IRF4: variants seen among roughly 807,000 people sequenced by gnomAD.
The protein encoded by IRF4 is lymphocyte-specific interferon regulatory factor.
In IRF4, 13 loss-of-function variants were observed where a neutral mutation model predicts 55.5. The ratio of observed to expected loss-of-function variants is 0.23; its 90% CI spans 0.15 to 0.37. The LOEUF (loss-of-function observed/expected upper bound fraction) is 0.37. Among genes scored for constraint, IRF4 ranks in the 10% least tolerant of loss-of-function variants. The pLI is 1.00. For synonymous variants in IRF4, 249 were observed against 240.7 expected (o/e 1.03, Z -0.32); for missense variants, 397 against 593.8 (o/e 0.67, Z 3.44).
At position 393,189 on chromosome 6, in the gene IRF4, G is replaced by T; in HGVS notation, c.37G>T (p.Gly13Cys). ...GGGCGGCGGCCGAGGCGGAGAGTTC[G>T]GCATGAGCGCGGTGAGCTGCGGCAA... ...LEGGGRGGEFGMSAVSCGNGK... is the reference protein window; with the variant it reads ...LEGGGRGGEFCMSAVSCGNGK... The change falls in exon 2 of 9, where the codon GGC becomes TGC. Residue 13 changes from glycine to cysteine, a missense_variant. Around this residue, in one of 3 missense-constraint regions of IRF4, gnomAD observed 34 missense variants for 29.4 expected, o/e 1.16. Transcript: ENST00000380956. This position sits in a 1 kb window ranked among gnomAD's most constrained non-coding sequence, Gnocchi z 5.4. 1 of 1,554,958 alleles carries T rather than the reference G, an allele frequency of 6.4e-7. No individual in the cohort carries two copies. Among genetic ancestry groups the T allele is most frequent in the East Asian group, 2.4e-5 (1 of 41,434 alleles).
intron 7 of IRF4, among the ~76,000 whole-genome samples, chr6:403,804 C>G (rs1761472191): frequency 6.6e-6 from 1 of 152,216 alleles, no homozygotes; most frequent in South Asian, 2.1e-4. Flanking sequence ...CCACCAAACA[C>G]TCTCATGTTA....
intron 7 of IRF4, among the ~76,000 whole-genome samples, chr6:402,988 C>T (rs534655767): frequency 2.0e-4 from 31 of 152,352 alleles, no homozygotes; most frequent in African/African-American, 6.3e-4. Flanking sequence ...GAGCTGAGAT[C>T]GCACCACGGT....
At chr6:406,093 A>G (rs186385591) in intron 8 of IRF4, among the ~76,000 whole-genome samples, 8 of 152,352 alleles carry the variant, frequency 5.3e-5, no homozygotes, top group Admixed American at 2.6e-4. Context: ...CCAACCAACC[A>G]GTATATAATC....
Position 410,585 on chromosome 6 carries a change from C to T in IRF4, c.*2987C>T, listed in dbSNP as rs1051882267. ...TCTTTGAGCGAGGGCATAAATACAG[C>T]TAGCCCCAGGGGTGGAACAACTCTG... is the stretch of plus-strand genomic sequence containing the variant. On this transcript the variant is annotated 3_prime_UTR_variant, in exon 9 of 9. Transcript: ENST00000380956. 4.3e-6 allele frequency: 1 copy of T among 230,686 alleles called. No individual in the cohort carries two copies. Among genetic ancestry groups the T allele is most frequent in the Non-Finnish European group, 8.6e-6 (1 of 116,446 alleles). The allele number at this position is 230,686 out of a possible 1,614,324, so 14.3% of individuals were successfully genotyped here.
In IRF4 at chr6:408,895, C is replaced by G. The variant is rs747555876; in HGVS notation, c.*1297C>G. ...TCGTGCCAATTATAGTTTGACAGGGCCTTAAAATTACTTGGCTTTTTCCAA... is the reference window on the plus strand; with the variant it reads ...TCGTGCCAATTATAGTTTGACAGGGGCTTAAAATTACTTGGCTTTTTCCAA... On this transcript the variant is annotated 3_prime_UTR_variant, in exon 9 of 9. Transcript: ENST00000380956. 4.3e-6 allele frequency: 1 copy of G among 231,074 alleles called. No homozygotes were observed. The highest frequency in any genetic ancestry group is 8.6e-6 in the Non-Finnish European group (1 of 116,604). The allele number at this position is 231,074 out of a possible 1,614,324, so 14.3% of individuals were successfully genotyped here.
chr6:395,557 T>C (rs1392597637), intron 3 of IRF4, among the ~76,000 whole-genome samples: 2 of 152,206 alleles, frequency 1.3e-5, no homozygotes, highest in Non-Finnish European at 2.9e-5. Context: ...GTGACCTCAC[T>C]TGGGAAACAT....
rs113364548 is a variant in IRF4, at chr6:401,644, C to T, written c.966C>T (p.Asp322=). ...GCGTGGTCCTCTGGATGGCCCCCGA[C>T]GGGCTCTATGCGAAAAGACTGTGCC... ...ERGVVLWMAP[D]GLYAKRLCQS... is the part of the protein sequence containing the mutation. Residue 322 remains aspartate, a synonymous_variant, in exon 7 of 9, where the codon GAC becomes GAT. Coordinates refer to ENST00000380956, the MANE Select transcript of IRF4 (RefSeq NM_002460.4). The T allele has an allele frequency of 4.6e-5, 74 of 1,614,204 alleles. 3 individuals are homozygous for T. Among genetic ancestry groups the T allele is most frequent in the African/African-American group, 1.5e-4 (11 of 75,066 alleles).
At position 410,136 on chromosome 6, in the gene IRF4, T is replaced by C. The variant is rs78252705; in HGVS notation, c.*2538T>C. ...CATTCCTTGTCTTGATAAAGTGGAA[T>C]TGGCAAACTAGAATTTAGTTTGTAC... is the stretch of plus-strand genomic sequence containing the variant. On this transcript the variant is annotated 3_prime_UTR_variant, in exon 9 of 9. Transcript: ENST00000380956. 0.021 allele frequency: 4,723 copies of C among 228,392 alleles called. 244 individuals carry two copies. Among genetic ancestry groups the C allele is most frequent in the African/African-American group, 0.096 (4,349 of 45,182 alleles). The allele number at this position is 228,392 out of a possible 1,614,324, so 14.1% of individuals were successfully genotyped here.
In IRF4 at chr6:411,343, G is replaced by GTA. The variant is rs1407744957; in HGVS notation, c.*3748_*3749dup. 1 of 217,098 alleles carries GTA rather than the reference G, an allele frequency of 4.6e-6. No individual in the cohort carries two copies. Among genetic ancestry groups the GTA allele is most frequent in the Non-Finnish European group, 9.3e-6 (1 of 107,826 alleles). 13.4% of individuals were successfully genotyped at this position (217,098 alleles called of 1,614,324 possible). A position where few individuals can be genotyped will look rare whatever the true frequency, so the allele number is the denominator to read the frequency against. ...GGTAGATAATGCTATGCTGTCGTTG[G>GTA]TATACATCATGAATTTTTATGTAAA... On this transcript the variant is annotated 3_prime_UTR_variant, in exon 9 of 9. Transcript: ENST00000380956.
At chr6:402,235 G>A (rs1761422429) in intron 7 of IRF4, among the ~76,000 whole-genome samples, 1 of 152,220 alleles carries the variant, frequency 6.6e-6, no homozygotes, top group Non-Finnish European at 1.5e-5. Flanking sequence ...TTGCACAGGA[G>A]AAGTTATAGG....
chr6:404,264 T>G (rs997210313), intron 7 of IRF4, among the ~76,000 whole-genome samples: 2 of 152,244 alleles, frequency 1.3e-5, no homozygotes, highest in African/African-American at 4.8e-5. Context: ...TGGGCACTTG[T>G]CTTTCCAACA....
intron 7 of IRF4, among the ~76,000 whole-genome samples, chr6:403,061 C>G (rs543069426): frequency 6.6e-6 from 1 of 152,230 alleles, no homozygotes; most frequent in Non-Finnish European, 1.5e-5. Context: ...AATAACTAAG[C>G]TCACACAGAG....
chr6:404,883 C>T (rs1761504171), intron 7 of IRF4, 135 bp from the exon 8 acceptor site: 1 of 612,284 alleles, frequency 1.6e-6, no homozygotes, highest in Non-Finnish European at 2.9e-6. Context: ...CATCAAGAGC[C>T]CCACTCAGCG....
intron 1 of IRF4, among the ~76,000 whole-genome samples, chr6:392,861 G>GT: frequency 6.6e-6 from 1 of 152,316 alleles, no homozygotes; most frequent in African/African-American, 2.4e-5. Flanking sequence ...GAGCAGGCGG[G>GT]TAGGAGCCTT....
intron 2 of IRF4, among the ~76,000 whole-genome samples, chr6:394,148 C>T (rs560993479): frequency 6.6e-6 from 1 of 152,358 alleles, no homozygotes; most frequent in East Asian, 1.9e-4. Context: ...TCTCAATTTG[C>T]TCTCAGAGTG....
In IRF4 at chr6:394,814, C is replaced by T; in HGVS notation, c.217-7C>T. 2 of 1,604,706 alleles carry T rather than the reference C, an allele frequency of 1.2e-6. No individual in the cohort carries two copies. The highest frequency in any genetic ancestry group is 1.7e-6 in the Non-Finnish European group (2 of 1,177,064). On this transcript the variant is annotated splice_region_variant and splice_polypyrimidine_tract_variant and intron_variant, in intron 2 of 8. Coordinates refer to ENST00000380956, the MANE Select transcript of IRF4 (RefSeq NM_002460.4). ...GACTTTTCGTTCTCTTCATTCTTTC[C>T]CACCAGGCTTGGGCACTGTTTAAAG...
At chr6:407,373 C>T (rs1381937762) in intron 8 of IRF4, 82 bp from the exon 9 acceptor site, 1 of 1,280,428 alleles carries the variant, frequency 7.8e-7, no homozygotes, top group Middle Eastern at 1.9e-4. Flanking sequence ...ACGTTACTGT[C>T]TCCTTAGAAT....
chr6:393,959 C>T lies in IRF4; in HGVS notation c.216+591C>T, dbSNP rs1318036729. Among the ~76,000 whole-genome samples, 1 of 152,192 alleles carries T rather than the reference C, an allele frequency of 6.6e-6. No homozygotes were observed. Among genetic ancestry groups the T allele is most frequent in the Non-Finnish European group, 1.5e-5 (1 of 68,026 alleles). ...CTCTGTCTCTCTCTTTCCCCCATCG[C>T]AGTGGAACTCAGGGCCTCTGTCTAG... On this transcript the variant is annotated intron_variant, in intron 2 of 8. Coordinates refer to ENST00000380956, the MANE Select transcript of IRF4 (RefSeq NM_002460.4). The surrounding 1 kb of genome is among the most constrained non-coding windows in gnomAD (Gnocchi z 5.4).
rs1182583412 is a variant in IRF4 at position 393,787 on chromosome 6, T to C, written c.216+419T>C. Among the ~76,000 whole-genome samples, 8 of 152,222 alleles carry C rather than the reference T, an allele frequency of 5.3e-5. No homozygotes were observed. Among genetic ancestry groups the C allele is most frequent in the Non-Finnish European group, 1.0e-4 (7 of 68,030 alleles). ...GTCCGCGCCTGTGCCGGCGGCTGTT[T>C]TCGTCTCTCACCGCGTCTCTGTTTC... On this transcript the variant is annotated intron_variant, in intron 2 of 8. Transcript: ENST00000380956. This position sits in a 1 kb window ranked among gnomAD's most constrained non-coding sequence, Gnocchi z 5.4.
Sources: allele counts gnomAD v4.1 joint callset (sites outside exome capture counted in the v4.1 genomes callset), GRCh38; gene constraint gnomAD v4.1.1; regional missense constraint gnomAD v4.1.1; non-coding constraint Gnocchi (gnomAD v3.1); transcripts MANE v1.5; gene names NCBI Gene and HGNC (gene_info 2026-07-23, HGNC 2026-07-21).